Variants in AFF1 observed in about 807,000 individuals in gnomAD.
AFF1 encodes the protein ALF transcription elongation factor 1, also known as AF4/FMR2 family member 1.
In AFF1, 48 loss-of-function variants were observed where a neutral mutation model predicts 121.7. The observed-to-expected ratio is 0.39, with a 90% confidence interval of 0.31 to 0.50. The LOEUF (loss-of-function observed/expected upper bound fraction) is 0.50. Among genes scored for constraint, AFF1 ranks in the 20% least tolerant of loss-of-function variants. The pLI, the probability that AFF1 is intolerant of heterozygous loss-of-function variation, is 0.76. For synonymous variants in AFF1, 613 were observed against 563.0 expected, an observed-to-expected ratio of 1.09 and a Z score of -1.26; for missense variants, 1,523 against 1,511.7, an observed-to-expected ratio of 1.01 and a Z score of -0.12.
chr4:86,960,012 CTT>C (rs764443293), intron 2 of AFF1, among the ~76,000 whole-genome samples: 1 of 152,088 alleles, frequency 6.6e-6, no homozygotes, highest in African/African-American at 2.4e-5. Flanking sequence ...GGCCCTGACT[CTT>C]TTCACATCAA....
chr4:86,960,662 A>C (rs1238714580), intron 2 of AFF1, among the ~76,000 whole-genome samples: 1 of 152,208 alleles, frequency 6.6e-6, no homozygotes, highest in Non-Finnish European at 1.5e-5. Context: ...AAAATAGTAC[A>C]ACATTTTATG....
At chr4:87,007,353 C>A in intron 2 of AFF1, 5 of 1,611,472 alleles carry the variant, frequency 3.1e-6, no homozygotes, top group Non-Finnish European at 4.2e-6. Flanking sequence ...GGCAGCAGGG[C>A]CCGCGGGGTG....
chr4:86,960,198 C>A (rs111601962), intron 2 of AFF1, among the ~76,000 whole-genome samples: 2 of 152,134 alleles, frequency 1.3e-5, no homozygotes, highest in African/African-American at 2.4e-5. Flanking sequence ...TGGAAAAGAT[C>A]TTTCTTTAAG....
chr4:87,068,254 A>G (rs1380352488), intron 4 of AFF1, among the ~76,000 whole-genome samples: 2 of 63,406 alleles, frequency 3.2e-5, no homozygotes, highest in Non-Finnish European at 3.2e-5. Flanking sequence ...AAGCATGAAA[A>G]TTGCCCCCCC....
intron 1 of AFF1, among the ~76,000 whole-genome samples, chr4:86,947,217 G>C (rs1036348424): frequency 1.3e-5 from 2 of 152,200 alleles, no homozygotes; most frequent in African/African-American, 2.4e-5. Context: ...ACACATGTTT[G>C]ACCCTGAAAA....
At chr4:87,076,084 G>A (rs937806917) in intron 4 of AFF1, among the ~76,000 whole-genome samples, 5 of 152,082 alleles carry the variant, frequency 3.3e-5, no homozygotes, top group Non-Finnish European at 7.4e-5. Context: ...AATGTGATTG[G>A]AGAGTCAAGG....
intron 4 of AFF1, among the ~76,000 whole-genome samples, chr4:87,051,659 G>A (rs766647395): frequency 9.2e-5 from 14 of 151,850 alleles, no homozygotes; most frequent in Non-Finnish European, 1.8e-4. Context: ...TATTCGAGAC[G>A]AGGTTTCACC....
intron 5 of AFF1, 144 bp from the exon 6 acceptor site, chr4:87,089,839 GT>G (rs560303115): frequency 3.2e-5 from 20 of 630,544 alleles, no homozygotes; most frequent in Non-Finnish European, 4.2e-5. Context: ...AATAGGAGTT[GT>G]TTTTTTTAAG....
chr4:87,083,509 T>A (rs1260012356), intron 4 of AFF1, among the ~76,000 whole-genome samples: 1 of 152,208 alleles, frequency 6.6e-6, no homozygotes, highest in African/African-American at 2.4e-5. Flanking sequence ...CCCACTAATG[T>A]GTTCAGATGA....
chr4:87,092,664 G>T (rs1578233933), intron 7 of AFF1, among the ~76,000 whole-genome samples: 1 of 152,130 alleles, frequency 6.6e-6, no homozygotes, highest in African/African-American at 2.4e-5. Context: ...AATATTTATT[G>T]TCTGGCCTCT....
At chr4:87,028,841 A>G (rs1163101930) in intron 2 of AFF1, among the ~76,000 whole-genome samples, 3 of 152,180 alleles carry the variant, frequency 2.0e-5, no homozygotes, top group Admixed American at 1.3e-4. Flanking sequence ...TGCTAGGACT[A>G]TTGGATTGTG....
At chr4:87,061,534 C>T (rs1720788968) in intron 4 of AFF1, among the ~76,000 whole-genome samples, 1 of 152,202 alleles carries the variant, frequency 6.6e-6, no homozygotes, top group Non-Finnish European at 1.5e-5. Context: ...ATTTAGTTGC[C>T]AACATCTAAA....
chr4:86,994,790 A>C (rs1226513261), intron 2 of AFF1, among the ~76,000 whole-genome samples: 5 of 152,186 alleles, frequency 3.3e-5, no homozygotes, highest in Non-Finnish European at 7.3e-5. Context: ...CATTCTAATG[A>C]AGAGAAAATA....
chr4:87,007,554 C>A, intron 2 of AFF1: 1 of 1,247,014 alleles, frequency 8.0e-7, no homozygotes, highest in Non-Finnish European at 1.2e-6. Flanking sequence ...TCATCATTCC[C>A]GAGGCTGTGG....
chr4:87,131,604 A>T (rs1000043124), intron 17 of AFF1, among the ~76,000 whole-genome samples, 189 bp from the exon 18 acceptor site: 1 of 152,174 alleles, frequency 6.6e-6, no homozygotes, highest in African/African-American at 2.4e-5. Flanking sequence ...CACACAAGAG[A>T]CGTGTACTCA....
At chr4:87,085,750 C>CTT in intron 5 of AFF1, among the ~76,000 whole-genome samples, 1 of 136,964 alleles carries the variant, frequency 7.3e-6, no homozygotes. Context: ...GAGAAACATA[C>CTT]CTTTTTTTTT....
intron 13 of AFF1, 78 bp from the exon 14 acceptor site, chr4:87,126,021 G>A (rs1728204493): frequency 2.1e-6 from 3 of 1,396,694 alleles, no homozygotes; most frequent in Admixed American, 1.7e-5. Flanking sequence ...TGTGCCAGCA[G>A]CCAGTTTGTA....
At chr4:86,953,124 A>G (rs1344360111) in intron 2 of AFF1, among the ~76,000 whole-genome samples, 1 of 152,124 alleles carries the variant, frequency 6.6e-6, no homozygotes, top group Non-Finnish European at 1.5e-5. Flanking sequence ...ACATTCTAGC[A>G]ATTACAGAGC....
At chr4:87,067,938 T>C (rs1721539618) in intron 4 of AFF1, among the ~76,000 whole-genome samples, 1 of 152,202 alleles carries the variant, frequency 6.6e-6, no homozygotes, top group Admixed American at 6.5e-5. Context: ...AAGTAAAGTT[T>C]TATGGGTAGT....
Sources: allele counts gnomAD v4.1 joint callset (sites outside exome capture counted in the v4.1 genomes callset), GRCh38; gene constraint gnomAD v4.1.1; transcripts MANE v1.5; gene names NCBI Gene and HGNC (gene_info 2026-07-23, HGNC 2026-07-21).